SLCO5A1: variants seen among roughly 807,000 people sequenced by gnomAD.
SLCO5A1 encodes solute carrier organic anion transporter family member 5A1, also known as organic anion transporter polypeptide-related protein 4.
Under a neutral mutation model 65.1 loss-of-function variants are expected in SLCO5A1, and 39 were observed. The ratio of observed to expected loss-of-function variants is 0.60; its 90% CI spans 0.46 to 0.78. The LOEUF (loss-of-function observed/expected upper bound fraction) is 0.78, where lower values mean the gene tolerates loss of function less well. SLCO5A1 is among the 30% of genes least tolerant of loss of function. SLCO5A1 has a pLI of 0.00. For missense variants in SLCO5A1, 1,029 were observed against 1,069.4 expected, an observed-to-expected ratio of 0.96 and a Z score of 0.53; for synonymous variants, 438 against 415.7, an observed-to-expected ratio of 1.05 and a Z score of -0.65.
chr8:69,723,328 T>A (rs1008371302), intron 5 of SLCO5A1, among the ~76,000 whole-genome samples: 6 of 152,220 alleles, frequency 3.9e-5, no homozygotes, highest in African/African-American at 1.4e-4. Flanking sequence ...CTTGGCTTAC[T>A]GCAACCTCTG....
intron 2 of SLCO5A1, among the ~76,000 whole-genome samples, chr8:69,799,917 CT>C (rs1213736371): frequency 6.6e-6 from 1 of 151,956 alleles, no homozygotes; most frequent in Non-Finnish European, 1.5e-5. Flanking sequence ...GGTTGATTTT[CT>C]TTTTTGTATT....
At chr8:69,708,303 A>G (rs549722485) in intron 5 of SLCO5A1, among the ~76,000 whole-genome samples, 10 of 152,230 alleles carry the variant, frequency 6.6e-5, no homozygotes, top group Non-Finnish European at 1.3e-4. Flanking sequence ...TTGCCTCGTC[A>G]TGGAGATGTC....
chr8:69,769,886 A>G (rs1210504624), intron 2 of SLCO5A1, among the ~76,000 whole-genome samples: 3 of 152,214 alleles, frequency 2.0e-5, no homozygotes, highest in Non-Finnish European at 4.4e-5. Flanking sequence ...ATTACTAAAT[A>G]TAAGATGGAT....
At chr8:69,797,510 T>C (rs62533302) in intron 2 of SLCO5A1, among the ~76,000 whole-genome samples, 3,484 of 152,316 alleles carry the variant, frequency 0.023, 78 homozygotes, top group Non-Finnish European at 0.038. Context: ...GCCATATATC[T>C]CTTCTTTCAA....
chr8:69,727,244 C>CG (rs1453072914), intron 5 of SLCO5A1, among the ~76,000 whole-genome samples: 1 of 151,776 alleles, frequency 6.6e-6, no homozygotes, highest in African/African-American at 2.4e-5. Flanking sequence ...GATGAATGGG[C>CG]GAAGGGATGG....
chr8:69,823,846 C>T (rs1170384852), intron 2 of SLCO5A1, among the ~76,000 whole-genome samples: 1 of 152,140 alleles, frequency 6.6e-6, no homozygotes, highest in East Asian at 1.9e-4. Flanking sequence ...CCACACCACA[C>T]CTATTCCAAA....
intron 2 of SLCO5A1, among the ~76,000 whole-genome samples, chr8:69,766,618 C>A (rs1818070451): frequency 6.6e-6 from 1 of 152,210 alleles, no homozygotes; most frequent in African/African-American, 2.4e-5. Context: ...GTTACTCCAA[C>A]AGTTCCTTCT....
intron 2 of SLCO5A1, among the ~76,000 whole-genome samples, chr8:69,770,754 C>A (rs1818287312): frequency 6.6e-6 from 1 of 152,126 alleles, no homozygotes; most frequent in South Asian, 2.1e-4. Context: ...CTCCTCACTG[C>A]CCCCGCCAGT....
intron 2 of SLCO5A1, among the ~76,000 whole-genome samples, chr8:69,798,720 C>G (rs1819608016): frequency 6.6e-6 from 1 of 152,066 alleles, no homozygotes; most frequent in African/African-American, 2.4e-5. Context: ...TAGCACCAGT[C>G]CAAAAAATTA....
In SLCO5A1 at chr8:69,761,871, G is replaced by A. The variant is rs766076146; in HGVS notation, c.912C>T (p.Ile304=). ...KKENSSLYLA[I]MYVMGALGPA... Reference sequence around the variant, plus strand: ...GGCCAAGTGCTCCCATGACATACATGATGGCTGAGAAGACAGAAGGGGAAA... The same window carrying A: ...GGCCAAGTGCTCCCATGACATACATAATGGCTGAGAAGACAGAAGGGGAAA... Residue 304 remains isoleucine, a synonymous_variant, in exon 3 of 10, where the codon ATC becomes ATT. Coordinates refer to ENST00000260126, the MANE Select transcript of SLCO5A1 (RefSeq NM_030958.3). The A allele has an allele frequency of 6.2e-7, 1 of 1,611,702 alleles. No homozygotes were observed. Among genetic ancestry groups the A allele is most frequent in the South Asian group, 1.1e-5 (1 of 90,322 alleles).
At chr8:69,712,922 C>T (rs1175339037) in intron 5 of SLCO5A1, among the ~76,000 whole-genome samples, 1 of 152,120 alleles carries the variant, frequency 6.6e-6, no homozygotes, top group Non-Finnish European at 1.5e-5. Flanking sequence ...TCCCATTTTA[C>T]AAATAGATAA....
At chr8:69,784,934 G>GAAAGAAAGAA (rs1181888439) in intron 2 of SLCO5A1, among the ~76,000 whole-genome samples, 2 of 117,500 alleles carry the variant, frequency 1.7e-5, no homozygotes, top group African/African-American at 3.3e-5. Context: ...AAGAAAGAAA[G>GAAAGAAAGAA]AAAGAAAGAA....
rs752466948 is a variant in SLCO5A1, at chr8:69,673,055, G to A, written c.2361C>T (p.Pro787=). The A allele has an allele frequency of 1.2e-6, 2 of 1,614,178 alleles. No individual in the cohort carries two copies. The highest frequency in any genetic ancestry group is 1.7e-6 in the Non-Finnish European group (2 of 1,180,030). Residue 787 remains proline (P), a synonymous_variant, in exon 10 of 10, where the codon CCC becomes CCT. Coordinates refer to ENST00000260126, the MANE Select transcript of SLCO5A1 (RefSeq NM_030958.3). ...GGCAAGATCTAGTCCGGGCATTGTC[G>A]GGGTGTCCCACTCTCTCACTCACGG... ...LSTVSERVGH[P]DNARTRSCPA...
intron 2 of SLCO5A1, among the ~76,000 whole-genome samples, chr8:69,788,309 T>C (rs1819123868): frequency 6.6e-6 from 1 of 152,184 alleles, no homozygotes. Flanking sequence ...CAAAAGACTG[T>C]ACGAGAGCTC....
intron 2 of SLCO5A1, among the ~76,000 whole-genome samples, chr8:69,790,323 C>T (rs1346574732): frequency 2.6e-5 from 4 of 151,848 alleles, no homozygotes; most frequent in South Asian, 2.1e-4. Context: ...AAGCATCTCA[C>T]GTACCCCATA....
At chr8:69,733,519 G>C (rs11787006) in intron 5 of SLCO5A1, among the ~76,000 whole-genome samples, 47,063 of 152,108 alleles carry the variant, frequency 0.31, 8,768 homozygotes, top group Middle Eastern at 0.44. Flanking sequence ...TGCTCCTTCA[G>C]GGTTGATACG....
chr8:69,676,726 T>C (rs1813564732), intron 8 of SLCO5A1, 53 bp from the exon 9 acceptor site: 2 of 1,524,366 alleles, frequency 1.3e-6, no homozygotes, highest in South Asian at 1.1e-5. Context: ...CCCAAGAAAA[T>C]GAATGTCAAA....
chr8:69,797,623 T>TG (rs530023279), intron 2 of SLCO5A1, among the ~76,000 whole-genome samples: 13 of 152,246 alleles, frequency 8.5e-5, no homozygotes, highest in African/African-American at 3.1e-4. Context: ...GGCCACTTCG[T>TG]GGCGGGGGGT....
chr8:69,669,691 C>T lies in SLCO5A1; in HGVS notation c.*3178G>A, dbSNP rs1793371653. On this transcript the variant is annotated 3_prime_UTR_variant, in exon 10 of 10. Transcript: ENST00000260126. ...AAATAGCTGGGTGTGGTGGCACACACCTTAATCCCAGTTCCTCAGGAGACT... is the reference window on the plus strand; with the variant it reads ...AAATAGCTGGGTGTGGTGGCACACATCTTAATCCCAGTTCCTCAGGAGACT... 6.6e-6 allele frequency: 1 copy of T among 152,028 alleles called. No individual in the cohort carries two copies. The highest frequency in any genetic ancestry group is 1.5e-5 in the Non-Finnish European group (1 of 68,046). The allele number at this position is 152,028 out of a possible 1,614,324, so 9.4% of individuals were successfully genotyped here.
Sources: allele counts gnomAD v4.1 joint callset (sites outside exome capture counted in the v4.1 genomes callset), GRCh38; gene constraint gnomAD v4.1.1; transcripts MANE v1.5; gene names NCBI Gene and HGNC (gene_info 2026-07-23, HGNC 2026-07-21).